Variants in PRICKLE1 observed in about 807,000 individuals in gnomAD.
PRICKLE1 encodes the protein prickle-like protein 1.
In PRICKLE1, 14 loss-of-function variants were observed where a neutral mutation model predicts 70.2. The ratio of observed to expected loss-of-function variants is 0.20; its 90% CI spans 0.13 to 0.31. The LOEUF is 0.31. PRICKLE1 is among the 10% of genes least tolerant of loss of function. PRICKLE1 has a pLI of 1.00. For missense variants in PRICKLE1, 821 were observed against 1,026.2 expected (o/e 0.80, Z 2.73); for synonymous variants, 357 against 379.9 (o/e 0.94, Z 0.70).
rs1030998876 is a variant in PRICKLE1, at chr12:42,589,071, T to G, written c.-49+394A>C. ...TCGGTACCCTCCCTCCGGACGCCAG[T>G]AGGTGACAGGCGATCCTAAGCGGCG... On this transcript the variant is annotated intron_variant, in intron 1 of 7. Transcript: ENST00000345127. This position sits in a 1 kb window ranked among gnomAD's most constrained non-coding sequence, Gnocchi z 5.0. 2.6e-5 allele frequency: 4 copies of G among 152,184 alleles called. No homozygotes were observed. Among genetic ancestry groups the G allele is most frequent in the Non-Finnish European group, 4.4e-5 (3 of 68,062 alleles). 9.4% of individuals were successfully genotyped at this position (152,184 alleles called of 1,614,324 possible).
chr12:42,475,090 T>C lies in PRICKLE1; in HGVS notation c.-48-2526A>G, dbSNP rs183732173. Among the ~76,000 whole-genome samples the C allele has an allele frequency of 1.7e-3, 259 of 152,294 alleles. 3 individuals carry two copies. The highest frequency in any genetic ancestry group is 5.8e-3 in the African/African-American group (239 of 41,542). On this transcript the variant is annotated intron_variant, in intron 1 of 7. Transcript: ENST00000345127. ...TCAACGTTAGCACTACATGCCACCA[T>C]CCCACCATCCCCTCCTCCCAATCAC...
chr12:42,465,353 G>A (rs1938052644), intron 6 of PRICKLE1, 95 bp from the exon 7 acceptor site: 2 of 1,210,486 alleles, frequency 1.7e-6, no homozygotes, highest in Non-Finnish European at 2.4e-6. Context: ...AAGATTATGG[G>A]TATGGGGGAG....
At chr12:42,575,052 G>C (rs1249991618) in intron 1 of PRICKLE1, among the ~76,000 whole-genome samples, 1 of 150,440 alleles carries the variant, frequency 6.6e-6, no homozygotes, top group African/African-American at 2.4e-5. Flanking sequence ...AGCTCTTACA[G>C]TACTAAAGCA....
At chr12:42,493,214 A>C (rs559502885) in intron 1 of PRICKLE1, among the ~76,000 whole-genome samples, 1 of 152,194 alleles carries the variant, frequency 6.6e-6, no homozygotes, top group Non-Finnish European at 1.5e-5. Flanking sequence ...AAAAATAACT[A>C]AAAGAGTATA....
chr12:42,549,119 C>CA (rs34355848), intron 1 of PRICKLE1, among the ~76,000 whole-genome samples: 13,721 of 50,078 alleles, frequency 0.27, 1,006 homozygotes, highest in East Asian at 0.4. Context: ...ACCCTGTCTC[C>CA]AAAAAAAAAA....
intron 1 of PRICKLE1, among the ~76,000 whole-genome samples, chr12:42,493,744 G>T (rs988078225): frequency 1.3e-5 from 2 of 151,814 alleles, no homozygotes; most frequent in African/African-American, 4.8e-5. Context: ...TACAGTCCCA[G>T]CTACCCAGGA....
chr12:42,556,994 T>G (rs1158094483), intron 1 of PRICKLE1, among the ~76,000 whole-genome samples: 1 of 151,756 alleles, frequency 6.6e-6, no homozygotes, highest in Non-Finnish European at 1.5e-5. Context: ...AATTTCTGTT[T>G]TTTTTTTTTT....
intron 1 of PRICKLE1, among the ~76,000 whole-genome samples, chr12:42,585,958 C>T (rs2120816937): frequency 6.6e-6 from 1 of 152,274 alleles, no homozygotes; most frequent in South Asian, 2.1e-4. Context: ...GCTCCATAGG[C>T]TGCATGAGGT....
chr12:42,515,270 G>A (rs565155281), intron 1 of PRICKLE1, among the ~76,000 whole-genome samples: 15 of 142,068 alleles, frequency 1.1e-4, no homozygotes, highest in East Asian at 8.2e-4. Context: ...ATGGAATTTC[G>A]CTCTTATTGC....
At position 42,556,247 on chromosome 12, in the gene PRICKLE1, C is replaced by G. The variant is rs536922809; in HGVS notation, c.-49+33218G>C. 5.9e-5 allele frequency among the ~76,000 whole-genome samples: 9 copies of G among 152,210 alleles called. No homozygotes were observed. The East Asian group carries it at 1.7e-3, about 29-fold the overall frequency. On this transcript the variant is annotated intron_variant, in intron 1 of 7. Transcript: ENST00000345127. The stretch of plus-strand genomic sequence containing the variant: ...TAAAGGGTTTCAATGTTTCCCAGGC[C>G]CAAGGATGACGCCTCAAATGTTTGT...
chr12:42,586,614 C>T (rs943987545), intron 1 of PRICKLE1, among the ~76,000 whole-genome samples: 4 of 152,122 alleles, frequency 2.6e-5, no homozygotes, highest in Non-Finnish European at 4.4e-5. Context: ...ATAATCTTTA[C>T]TGAAAATTGT....
chr12:42,513,766 C>T (rs1455317279), intron 1 of PRICKLE1, among the ~76,000 whole-genome samples: 1 of 152,064 alleles, frequency 6.6e-6, no homozygotes, highest in Admixed American at 6.6e-5. Context: ...AAGGCCAAGG[C>T]AGGTAGATCA....
At chr12:42,497,444 G>A (rs1939225952) in intron 1 of PRICKLE1, among the ~76,000 whole-genome samples, 2 of 151,626 alleles carry the variant, frequency 1.3e-5, no homozygotes, top group South Asian at 4.2e-4. Flanking sequence ...AGCTACTCGG[G>A]AGGCTGAGGT....
chr12:42,465,052 T>C lies in PRICKLE1; in HGVS notation c.982A>G (p.Arg328Gly), dbSNP rs1938037889. Reference protein sequence around the residue: ...SDSAFQSARSRDSRRSVRMGK... With the variant: ...SDSAFQSARSGDSRRSVRMGK... The stretch of plus-strand genomic sequence containing the variant: ...ATTCGGACACTTCTTCGGGAGTCTC[T>C]TGATCGAGCTGACTGAAATGCAGAG... The change falls in exon 7 of 8, where the codon AGA (arginine) becomes GGA (glycine). Residue 328 changes from arginine (R) to glycine (G), a missense_variant. Coordinates refer to ENST00000345127, the MANE Select transcript of PRICKLE1 (RefSeq NM_153026.3). The C allele has an allele frequency of 1.3e-6, 2 of 1,580,100 alleles. No homozygotes were observed. The highest frequency in any genetic ancestry group is 1.7e-6 in the Non-Finnish European group (2 of 1,165,594).
At chr12:42,513,214 G>A (rs887729151) in intron 1 of PRICKLE1, among the ~76,000 whole-genome samples, 7 of 152,028 alleles carry the variant, frequency 4.6e-5, no homozygotes, top group Admixed American at 3.3e-4. Context: ...CGCCCCCCTC[G>A]GCATCCCAAA....
At chr12:42,549,212 C>A (rs953148961) in intron 1 of PRICKLE1, among the ~76,000 whole-genome samples, 2 of 146,458 alleles carry the variant, frequency 1.4e-5, no homozygotes, top group Non-Finnish European at 3.0e-5. Flanking sequence ...TATTAATGAA[C>A]AATTTGCTAC....
chr12:42,517,698 T>G (rs1939635476), intron 1 of PRICKLE1, among the ~76,000 whole-genome samples: 1 of 152,084 alleles, frequency 6.6e-6, no homozygotes, highest in Non-Finnish European at 1.5e-5. Context: ...GTACCAGCCT[T>G]ATTGCCTCCT....
intron 1 of PRICKLE1, among the ~76,000 whole-genome samples, chr12:42,559,921 T>C (rs1940478693): frequency 6.6e-6 from 1 of 151,886 alleles, no homozygotes; most frequent in Non-Finnish European, 1.5e-5. Flanking sequence ...GTTTTTTATA[T>C]GATACACAAA....
intron 1 of PRICKLE1, among the ~76,000 whole-genome samples, chr12:42,556,682 T>C (rs1188995335): frequency 2.6e-5 from 4 of 152,234 alleles, no homozygotes; most frequent in Non-Finnish European, 5.9e-5. Flanking sequence ...AAGAAGTTTA[T>C]ATAGTCAAGT....
Sources: allele counts gnomAD v4.1 joint callset (sites outside exome capture counted in the v4.1 genomes callset), GRCh38; gene constraint gnomAD v4.1.1; non-coding constraint Gnocchi (gnomAD v3.1); transcripts MANE v1.5; gene names NCBI Gene and HGNC (gene_info 2026-07-23, HGNC 2026-07-21).